The following PDE6A variants were observed in gnomAD, a reference collection of about 807,000 sequenced individuals.
The protein encoded by PDE6A is phosphodiesterase 6A.
In PDE6A, 84 loss-of-function variants were observed where a neutral mutation model predicts 106.3. The ratio of observed to expected loss-of-function variants is 0.79; its 90% CI spans 0.66 to 0.95. PDE6A has a LOEUF of 0.95. PDE6A is among the 40% of genes least tolerant of loss of function. The pLI is 0.00. For synonymous variants in PDE6A, 394 were observed against 386.6 expected, an observed-to-expected ratio of 1.02 and a Z score of -0.23; for missense variants, 1,052 against 1,084.9, an observed-to-expected ratio of 0.97 and a Z score of 0.43.
intron 16 of PDE6A, 40 bp downstream of exon 16, chr5:149,884,439 C>T: frequency 1.6e-6 from 2 of 1,251,094 alleles, no homozygotes; most frequent in Admixed American, 1.7e-5. Flanking sequence ...TACATATAAT[C>T]ATTGTTGCTT....
intron 7 of PDE6A, among the ~76,000 whole-genome samples, chr5:149,904,813 C>T (rs879322478): frequency 1.3e-5 from 2 of 152,108 alleles, no homozygotes; most frequent in Non-Finnish European, 2.9e-5. Context: ...GCCCTCTTTC[C>T]TCTCCATCTG....
Position 149,934,613 on chromosome 5 carries a change from C to G in PDE6A, c.580G>C (p.Ala194Pro). 1 of 1,614,190 alleles carries G rather than the reference C, an allele frequency of 6.2e-7. No individual in the cohort carries two copies. Among genetic ancestry groups the G allele is most frequent in the Non-Finnish European group, 8.5e-7 (1 of 1,180,006 alleles). Reference protein sequence around the residue: ...NGKDVVAIIMAVNKVDGSHFT... With the variant: ...NGKDVVAIIMPVNKVDGSHFT... ...TGGGATCCATCCACTTTATTCACAG[C>G]CATGATTATGGCCACCACATCCTTC... The change falls in exon 2 of 22, where the codon GCT (alanine) becomes CCT (proline). Residue 194 changes from alanine to proline, a missense_variant. Physicochemically the swap from Ala to Pro is conservative, Grantham distance 27. This residue lies in a region of PDE6A where 913 missense variants were observed against 915.2 expected (regional missense o/e 1.00). Coordinates refer to ENST00000255266, the MANE Select transcript of PDE6A (RefSeq NM_000440.3).
chr5:149,934,717 T>C lies in PDE6A; in HGVS notation c.476A>G (p.Asp159Gly). The change falls in exon 2 of 22, where the codon GAT becomes GGT. Residue 159 changes from aspartate to glycine, a missense_variant and splice_region_variant. Around this residue, in one of 3 missense-constraint regions of PDE6A, gnomAD observed 913 missense variants for 915.2 expected, o/e 1.00. Transcript: ENST00000255266. ...KIANVPNTEE[D>G]EHFCDFVDIL... ...GTCCACAAAGTCACAGAAATGCTCA[T>C]CCTAAAGGAAGGCAGAGATAAGCAC... 1 of 1,613,678 alleles carries C rather than the reference T, an allele frequency of 6.2e-7. No individual in the cohort carries two copies. Among genetic ancestry groups the C allele is most frequent in the Non-Finnish European group, 8.5e-7 (1 of 1,180,020 alleles).
intron 1 of PDE6A, 92 bp from the exon 2 acceptor site, chr5:149,934,810 G>A (rs1037939709): frequency 5.9e-5 from 74 of 1,257,678 alleles, no homozygotes; most frequent in Non-Finnish European, 8.0e-5. Context: ...GAATAAAGGT[G>A]CTTCCATCTA....
intron 6 of PDE6A, among the ~76,000 whole-genome samples, chr5:149,910,009 CA>C (rs1753325378): frequency 2.0e-5 from 3 of 152,114 alleles, no homozygotes; most frequent in African/African-American, 7.2e-5. Context: ...CTCCTTAAGT[CA>C]ATTAGCAAAC....
Position 149,886,391 on chromosome 5 carries a change from A to C in PDE6A, c.1729-17T>G. The C allele has an allele frequency of 1.3e-6, 2 of 1,588,062 alleles. No individual in the cohort carries two copies. ...CTTTCCCGTCTGGAAGGGCAATCAGAGTGCAAATCATTCCTTTTGTGTAGG... is the reference window on the plus strand; with the variant it reads ...CTTTCCCGTCTGGAAGGGCAATCAGCGTGCAAATCATTCCTTTTGTGTAGG... On this transcript the variant is annotated splice_polypyrimidine_tract_variant and intron_variant, in intron 13 of 21. Transcript: ENST00000255266.
chr5:149,884,953 C>T, intron 14 of PDE6A, 86 bp from the exon 15 acceptor site: 1 of 1,076,666 alleles, frequency 9.3e-7, no homozygotes. Context: ...AGTCTTCAGC[C>T]TTCTCCACAA....
chr5:149,939,508 T>G (rs1370805060), intron 1 of PDE6A, among the ~76,000 whole-genome samples: 1 of 152,164 alleles, frequency 6.6e-6, no homozygotes, highest in African/African-American at 2.4e-5. Flanking sequence ...TCACTTAGAA[T>G]AGATCCTTAA....
rs1019577015 is a variant in PDE6A, at chr5:149,899,446, C to T, written c.1192G>A (p.Val398Ile). Residue 398 changes from valine (V) to isoleucine (I), a missense_variant, in exon 9 of 22, where the codon GTT becomes ATT. Transcript: ENST00000255266. ...CGATTGTAAAATGTGGCCACTCCAA[C>T]AATTTCTTCCTTCTTGTTCACAATC... is the stretch of plus-strand genomic sequence containing the variant. ...MPIVNKKEEI[V>I]GVATFYNRKD... 6.2e-7 allele frequency: 1 copy of T among 1,613,996 alleles called. No individual in the cohort carries two copies. The highest frequency in any genetic ancestry group is 1.7e-5 in the Admixed American group (1 of 60,000).
At chr5:149,876,349 CTT>C (rs896643767) in intron 17 of PDE6A, among the ~76,000 whole-genome samples, 9,178 of 119,910 alleles carry the variant, frequency 0.077, 385 homozygotes, top group South Asian at 0.22. Context: ...CATTTTTCCT[CTT>C]TTTTTTTTTT....
intron 17 of PDE6A, among the ~76,000 whole-genome samples, chr5:149,868,956 T>A (rs1760434253): frequency 6.6e-6 from 1 of 152,022 alleles, no homozygotes; most frequent in South Asian, 2.1e-4. Context: ...CCAAAAAATT[T>A]AAAAGGTAAA....
intron 17 of PDE6A, among the ~76,000 whole-genome samples, chr5:149,872,550 G>C (rs1272899081): frequency 1.3e-5 from 2 of 152,160 alleles, no homozygotes; most frequent in African/African-American, 4.8e-5. Flanking sequence ...TTGGCTGTGA[G>C]TTTCAGTGGC....
In PDE6A at chr5:149,907,354, A is replaced by G; in HGVS notation, c.1023T>C (p.Ala341=). ...CATAAGCTGGGAGACCGCTTACTAA[A>G]GCCCAATGGTCAGGAGGTGGATTCC... The part of the protein sequence containing the change: ...VIPNPPPDHW[A]LVSGLPAYVA... Residue 341 remains alanine (A), a synonymous_variant, in exon 7 of 22, where the codon GCT becomes GCC. Coordinates refer to ENST00000255266, the MANE Select transcript of PDE6A (RefSeq NM_000440.3). 1 of 1,614,116 alleles carries G rather than the reference A, an allele frequency of 6.2e-7. No individual in the cohort carries two copies. The highest frequency in any genetic ancestry group is 1.1e-5 in the South Asian group (1 of 91,074).
intron 5 of PDE6A, among the ~76,000 whole-genome samples, chr5:149,920,478 G>A (rs1448514760): frequency 6.6e-6 from 1 of 152,146 alleles, no homozygotes; most frequent in Non-Finnish European, 1.5e-5. Context: ...CTACTCGGGA[G>A]GCTGAGGCAG....
At chr5:149,903,624 G>A in intron 8 of PDE6A, 24 bp downstream of exon 8, 3 of 1,591,844 alleles carry the variant, frequency 1.9e-6, no homozygotes, top group African/African-American at 1.3e-5. Flanking sequence ...ATATGACTAA[G>A]ACTGCAAATA....
At chr5:149,935,690 G>T (rs1318679006) in intron 1 of PDE6A, among the ~76,000 whole-genome samples, 1 of 152,204 alleles carries the variant, frequency 6.6e-6, no homozygotes, top group African/African-American at 2.4e-5. Context: ...GACAGAGCTT[G>T]AATTGTTCTC....
At chr5:149,921,072 T>A (rs1753705598) in intron 5 of PDE6A, among the ~76,000 whole-genome samples, 1 of 152,032 alleles carries the variant, frequency 6.6e-6, no homozygotes, top group African/African-American at 2.4e-5. Flanking sequence ...GGCTACCAAT[T>A]TGTACATTAT....
intron 1 of PDE6A, among the ~76,000 whole-genome samples, chr5:149,942,782 G>A (rs1321922970): frequency 1.3e-5 from 2 of 151,992 alleles, no homozygotes; most frequent in East Asian, 1.9e-4. Flanking sequence ...AAAAGGTGCT[G>A]TGCCTTGATG....
chr5:149,944,434 A>T lies in PDE6A; in HGVS notation c.240T>A (p.Asn80Lys). 4 of 1,613,978 alleles carry T rather than the reference A, an allele frequency of 2.5e-6. No homozygotes were observed. The highest frequency in any genetic ancestry group is 3.4e-6 in the Non-Finnish European group (4 of 1,179,858). The change falls in exon 1 of 22, where the codon AAT becomes AAA. Residue 80 changes from asparagine (N) to lysine (K), a missense_variant. Physicochemically the swap from Asn to Lys is moderately conservative, Grantham distance 94 (BLOSUM62 0). This residue lies in a region of PDE6A where 913 missense variants were observed against 915.2 expected (regional missense o/e 1.00). Coordinates refer to ENST00000255266, the MANE Select transcript of PDE6A (RefSeq NM_000440.3). ...ENLQTEKCIF[N>K]VMKKLCFLLQ... ...GGAGGAAGCACAGCTTCTTCATGAC[A>T]TTGAAGATGCATTTCTCTGTCTGTA...
Sources: gnomAD v4.1 joint callset for allele counts (sites outside exome capture counted in the v4.1 genomes callset) on GRCh38, gnomAD v4.1.1 for gene constraint, gnomAD v4.1.1 regional missense constraint, MANE v1.5 for transcripts, NCBI Gene and HGNC (gene_info 2026-07-23, HGNC 2026-07-21) for gene names.